Variants in TMEFF2 observed in about 807,000 individuals in gnomAD.
TMEFF2 encodes tomoregulin-2.
A neutral mutation model predicts 53.8 loss-of-function variants in TMEFF2; 28 were observed. That is an observed-to-expected ratio of 0.52 (90% confidence interval 0.39 to 0.71). The LOEUF is 0.71. Among genes scored for constraint, TMEFF2 ranks in the 30% least tolerant of loss-of-function variants. TMEFF2 has a pLI of 0.00. For missense variants in TMEFF2, 353 were observed against 455.2 expected (o/e 0.78, Z 2.04); for synonymous variants, 162 against 166.3 (o/e 0.97, Z 0.20).
chr2:192,184,593 A>G (rs138394975), intron 2 of TMEFF2, 110 bp from the exon 3 acceptor site: 3 of 1,379,080 alleles, frequency 2.2e-6, no homozygotes, highest in East Asian at 2.4e-5. Flanking sequence ...TTCATTTTCA[A>G]TGATTCTAAT....
chr2:192,049,857 C>T (rs141453168), intron 5 of TMEFF2, among the ~76,000 whole-genome samples: 3,307 of 152,078 alleles, frequency 0.022, 115 homozygotes, highest in African/African-American at 0.075. Context: ...AAAAATTAGC[C>T]GGGCGTGGTG....
At chr2:192,069,589 A>G (rs189569505) in intron 4 of TMEFF2, among the ~76,000 whole-genome samples, 177 of 151,934 alleles carry the variant, frequency 1.2e-3, no homozygotes, top group African/African-American at 4.0e-3. Flanking sequence ...TTAGAAATTG[A>G]CTTTGAACTA....
At chr2:192,041,283 C>T (rs878879071) in intron 5 of TMEFF2, among the ~76,000 whole-genome samples, 2 of 151,984 alleles carry the variant, frequency 1.3e-5, no homozygotes, top group African/African-American at 2.4e-5. Flanking sequence ...ATAGACAAAT[C>T]GCTGAATTTA....
intron 5 of TMEFF2, among the ~76,000 whole-genome samples, chr2:192,042,445 A>G (rs2105887074): frequency 6.6e-6 from 1 of 152,330 alleles, no homozygotes; most frequent in Middle Eastern, 3.4e-3. Flanking sequence ...ACTGAACTCA[A>G]GTTCCAGCGG....
At chr2:192,168,704 G>C (rs1339318090) in intron 4 of TMEFF2, among the ~76,000 whole-genome samples, 1 of 151,914 alleles carries the variant, frequency 6.6e-6, no homozygotes, top group Non-Finnish European at 1.5e-5. Flanking sequence ...TACTTCTACA[G>C]TTATTTTAGT....
Position 192,184,307 on chromosome 2 carries a change from G to A in TMEFF2, c.412+47C>T, listed in dbSNP as rs1489881599. The A allele has an allele frequency of 1.9e-6, 3 of 1,591,784 alleles. No homozygotes were observed. The African/African-American group carries it at 4.1e-5, about 22-fold the overall frequency. On this transcript the variant is annotated intron_variant, in intron 3 of 9. Coordinates refer to ENST00000272771, the MANE Select transcript of TMEFF2 (RefSeq NM_016192.4). ...ACAAGAAATGAAAGACATGGTTTTT[G>A]GATTTGGAATCCATGCAGAAGGTTT...
rs936844887 is a variant in TMEFF2 at position 191,953,108 on chromosome 2, G to A, written c.1028+571C>T. On this transcript the variant is annotated intron_variant, in intron 9 of 9. Coordinates refer to ENST00000272771, the MANE Select transcript of TMEFF2 (RefSeq NM_016192.4). ...CTCATTCCTTTACTCCAAGCCCAAC[G>A]TCAGACATTGCTAATTAATCATGGT... Among the ~76,000 whole-genome samples the A allele has an allele frequency of 4.6e-5, 7 of 152,212 alleles. No individual in the cohort carries two copies. The East Asian group carries it at 5.8e-4, about 13-fold the overall frequency.
intron 5 of TMEFF2, chr2:192,028,701 G>A (rs747864152): frequency 2.6e-5 from 4 of 151,950 alleles, no homozygotes; most frequent in African/African-American, 4.8e-5. Flanking sequence ...AGTTAAATTC[G>A]TTTTGTGTAA....
At chr2:192,077,121 A>G (rs571725323) in intron 4 of TMEFF2, among the ~76,000 whole-genome samples, 2 of 152,318 alleles carry the variant, frequency 1.3e-5, no homozygotes, top group East Asian at 3.9e-4. Context: ...GCTAGATGGC[A>G]GATCAAAGGC....
intron 7 of TMEFF2, among the ~76,000 whole-genome samples, chr2:191,964,488 C>A (rs980096345): frequency 1.3e-5 from 2 of 150,092 alleles, no homozygotes; most frequent in Non-Finnish European, 3.0e-5. Flanking sequence ...TGAATCTCAA[C>A]CCCTCCATCA....
chr2:192,019,231 C>T, intron 5 of TMEFF2, among the ~76,000 whole-genome samples: 1 of 151,460 alleles, frequency 6.6e-6, no homozygotes, highest in South Asian at 2.1e-4. Flanking sequence ...TTTTTTTTAA[C>T]TTGTACTATC....
intron 7 of TMEFF2, among the ~76,000 whole-genome samples, chr2:191,973,701 C>T (rs1224614449): frequency 1.3e-5 from 2 of 152,136 alleles, no homozygotes; most frequent in Non-Finnish European, 2.9e-5. Context: ...TGTCCCCACT[C>T]AAATCTCATT....
chr2:191,978,548 C>T (rs1685783358), intron 7 of TMEFF2, among the ~76,000 whole-genome samples: 1 of 151,686 alleles, frequency 6.6e-6, no homozygotes, highest in African/African-American at 2.4e-5. Flanking sequence ...TTTTTCTTCC[C>T]CATTGATACC....
At chr2:192,055,548 G>A (rs774782412) in intron 5 of TMEFF2, among the ~76,000 whole-genome samples, 2 of 151,958 alleles carry the variant, frequency 1.3e-5, no homozygotes, top group African/African-American at 2.4e-5. Context: ...GCCGAGGCGG[G>A]CAAATCACCT....
chr2:192,152,164 G>A (rs1690403343), intron 4 of TMEFF2, among the ~76,000 whole-genome samples: 1 of 151,906 alleles, frequency 6.6e-6, no homozygotes, highest in African/African-American at 2.4e-5. Flanking sequence ...CATAACTCAA[G>A]TAATCCATAC....
At chr2:192,108,347 T>C (rs1269838461) in intron 4 of TMEFF2, among the ~76,000 whole-genome samples, 1 of 151,918 alleles carries the variant, frequency 6.6e-6, no homozygotes, top group Non-Finnish European at 1.5e-5. Flanking sequence ...GTAATCCACA[T>C]GTATGAAAGA....
In TMEFF2 at chr2:192,144,454, A is replaced by G. The variant is rs376652553; in HGVS notation, c.439+35214T>C. 3.9e-5 allele frequency among the ~76,000 whole-genome samples: 6 copies of G among 152,040 alleles called. No homozygotes were observed. The East Asian group carries it at 9.6e-4, about 24-fold the overall frequency. Reference sequence around the variant, plus strand: ...CTAAGTATCACGCTCTATTTGTCCAATAATGTTAGAGCAGAGATAGGAGCC... The same window carrying G: ...CTAAGTATCACGCTCTATTTGTCCAGTAATGTTAGAGCAGAGATAGGAGCC... On this transcript the variant is annotated intron_variant, in intron 4 of 9. Transcript: ENST00000272771.
chr2:192,103,699 C>G (rs1404821905), intron 4 of TMEFF2, among the ~76,000 whole-genome samples: 1 of 151,790 alleles, frequency 6.6e-6, no homozygotes, highest in Non-Finnish European at 1.5e-5. Context: ...CACATTTAGA[C>G]CTTGATTACA....
chr2:192,037,641 GAAA>G (rs1687360817), intron 5 of TMEFF2, among the ~76,000 whole-genome samples: 1 of 22,654 alleles, frequency 4.4e-5, no homozygotes, highest in Non-Finnish European at 1.5e-4. Context: ...GAAAGAGAGA[GAAA>G]GAGAGAGAGA....
Sources: allele counts gnomAD v4.1 joint callset (sites outside exome capture counted in the v4.1 genomes callset), GRCh38; gene constraint gnomAD v4.1.1; transcripts MANE v1.5; gene names NCBI Gene and HGNC (gene_info 2026-07-23, HGNC 2026-07-21).